Variants in CNTN3 observed in about 807,000 individuals in gnomAD.
The protein encoded by CNTN3 is contactin 3.
A neutral mutation model predicts 119.1 loss-of-function variants in CNTN3; 60 were observed. That is an observed-to-expected ratio of 0.50 (90% CI 0.41 to 0.62). CNTN3 has a LOEUF of 0.62. Among genes scored for constraint, CNTN3 ranks in the 20% least tolerant of loss-of-function variants. The pLI, the probability that CNTN3 is intolerant of heterozygous loss-of-function variation, is 0.00. For missense variants in CNTN3, 1,101 were observed against 1,242.4 expected (o/e 0.89, Z 1.71); for synonymous variants, 450 against 438.7 (o/e 1.03, Z -0.32).
intron 4 of CNTN3, among the ~76,000 whole-genome samples, chr3:74,449,150 T>G (rs1702101317): frequency 6.6e-6 from 1 of 151,976 alleles, no homozygotes; most frequent in South Asian, 2.1e-4. Context: ...AAGAAATATC[T>G]AAGTATTATA....
At chr3:74,496,827 A>G (rs1703073754) in intron 3 of CNTN3, among the ~76,000 whole-genome samples, 1 of 152,044 alleles carries the variant, frequency 6.6e-6, no homozygotes, top group Non-Finnish European at 1.5e-5. Flanking sequence ...ATTAAACCCT[A>G]AGACGAGTAA....
chr3:74,498,533 T>C (rs1239470286), intron 3 of CNTN3, among the ~76,000 whole-genome samples: 5 of 151,774 alleles, frequency 3.3e-5, no homozygotes, highest in African/African-American at 1.2e-4. Context: ...CCAATAAATA[T>C]GTTGTTAAAT....
intron 5 of CNTN3, among the ~76,000 whole-genome samples, chr3:74,418,944 C>T (rs542843494): frequency 2.6e-5 from 4 of 151,386 alleles, no homozygotes; most frequent in Admixed American, 6.6e-5. Flanking sequence ...GCACGCACCA[C>T]CATGCCTGGA....
At chr3:74,449,804 T>C (rs1350503520) in intron 4 of CNTN3, among the ~76,000 whole-genome samples, 2 of 151,854 alleles carry the variant, frequency 1.3e-5, no homozygotes, top group Non-Finnish European at 2.9e-5. Context: ...GAATACTTTG[T>C]TATACAGTAA....
intron 13 of CNTN3, among the ~76,000 whole-genome samples, chr3:74,313,371 T>A: frequency 4.8e-5 from 7 of 146,526 alleles, no homozygotes; most frequent in Admixed American, 1.3e-4. Flanking sequence ...AAACAGAAAG[T>A]CACAAAAACT....
chr3:74,329,208 A>T (rs559664162), intron 13 of CNTN3, among the ~76,000 whole-genome samples: 1 of 152,250 alleles, frequency 6.6e-6, no homozygotes, highest in Admixed American at 6.5e-5. Context: ...TCAAATCTCA[A>T]GCTCATGTGT....
At chr3:74,383,124 C>G (rs1422263212) in intron 5 of CNTN3, among the ~76,000 whole-genome samples, 5 of 152,126 alleles carry the variant, frequency 3.3e-5, no homozygotes, top group Non-Finnish European at 7.4e-5. Flanking sequence ...TGAAAATTAG[C>G]AAAAACATGA....
chr3:74,396,275 C>A (rs1388488146), intron 5 of CNTN3, among the ~76,000 whole-genome samples: 1 of 152,140 alleles, frequency 6.6e-6, no homozygotes, highest in Non-Finnish European at 1.5e-5. Flanking sequence ...GCCTCATGCA[C>A]CAAATGCTTA....
intron 1 of CNTN3, among the ~76,000 whole-genome samples, chr3:74,534,013 C>T (rs987814876): frequency 3.3e-5 from 5 of 152,012 alleles, no homozygotes; most frequent in African/African-American, 9.7e-5. Flanking sequence ...GTGAGAATCC[C>T]AACTTCAGAG....
chr3:74,525,487 C>G (rs1703606785), intron 1 of CNTN3, among the ~76,000 whole-genome samples: 1 of 151,790 alleles, frequency 6.6e-6, no homozygotes, highest in Non-Finnish European at 1.5e-5. Context: ...AAGCTCTCCC[C>G]ACTTCTGAAA....
At chr3:74,455,684 G>T (rs1277989857) in intron 4 of CNTN3, among the ~76,000 whole-genome samples, 5 of 151,766 alleles carry the variant, frequency 3.3e-5, no homozygotes, top group African/African-American at 1.2e-4. Context: ...TTTTTGGTGT[G>T]GATGTCCTTT....
intron 3 of CNTN3, among the ~76,000 whole-genome samples, chr3:74,488,213 C>T (rs887962377): frequency 3.3e-5 from 5 of 151,906 alleles, no homozygotes; most frequent in Non-Finnish European, 5.9e-5. Context: ...CCTGAGCTCA[C>T]GCCATTCTCC....
intron 11 of CNTN3, among the ~76,000 whole-genome samples, chr3:74,356,322 C>T (rs139468230): frequency 3.3e-5 from 5 of 152,186 alleles, no homozygotes; most frequent in Admixed American, 1.3e-4. Flanking sequence ...GTACCCAAAC[C>T]ATGACTGGCC....
intron 4 of CNTN3, among the ~76,000 whole-genome samples, chr3:74,431,476 G>A (rs1701782075): frequency 6.6e-6 from 1 of 152,168 alleles, no homozygotes; most frequent in Non-Finnish European, 1.5e-5. Flanking sequence ...GTAAATTTGA[G>A]TAAACTTGTG....
At chr3:74,409,434 T>C (rs559862279) in intron 5 of CNTN3, among the ~76,000 whole-genome samples, 3 of 150,938 alleles carry the variant, frequency 2.0e-5, no homozygotes, top group African/African-American at 7.3e-5. Flanking sequence ...TCTCTGAACC[T>C]CTTCCAGTTT....
At chr3:74,436,525 T>C (rs941094306) in intron 4 of CNTN3, among the ~76,000 whole-genome samples, 3 of 152,192 alleles carry the variant, frequency 2.0e-5, no homozygotes, top group Non-Finnish European at 4.4e-5. Flanking sequence ...TTCAATTAGA[T>C]GTATTTGCTA....
chr3:74,418,341 C>T (rs1019011074), intron 5 of CNTN3, among the ~76,000 whole-genome samples: 1 of 47,944 alleles, frequency 2.1e-5, no homozygotes, highest in African/African-American at 8.8e-5. Flanking sequence ...AAAACATATT[C>T]CTTTTTTTTT....
chr3:74,470,232 A>G (rs530835105), intron 4 of CNTN3, among the ~76,000 whole-genome samples: 1 of 152,234 alleles, frequency 6.6e-6, no homozygotes, highest in African/African-American at 2.4e-5. Flanking sequence ...TCTTTGGGGT[A>G]TGATAATAAC....
At chr3:74,431,895 T>A (rs1371891646) in intron 4 of CNTN3, among the ~76,000 whole-genome samples, 1 of 152,194 alleles carries the variant, frequency 6.6e-6, no homozygotes, top group African/African-American at 2.4e-5. Flanking sequence ...CATTGAAAAC[T>A]GGATGTGAGC....
Sources: gnomAD v4.1 joint callset for allele counts (sites outside exome capture counted in the v4.1 genomes callset) on GRCh38, gnomAD v4.1.1 for gene constraint, MANE v1.5 for transcripts, NCBI Gene and HGNC (gene_info 2026-07-23, HGNC 2026-07-21) for gene names.